The following PDK3 variants were observed in gnomAD, a reference collection of about 807,000 sequenced individuals.
PDK3 encodes the protein pyruvate dehydrogenase kinase 3, also known as pyruvate dehydrogenase kinase, isozyme 3.
PDK3 carries 12 observed loss-of-function variants against 32.0 expected under a neutral mutation model. The ratio of observed to expected loss-of-function variants is 0.37; its 90% CI spans 0.24 to 0.61. PDK3 has a LOEUF of 0.61. Among genes scored for constraint, PDK3 ranks in the 20% least tolerant of loss-of-function variants. The pLI, the probability that PDK3 is intolerant of heterozygous loss-of-function variation, is 0.65. For synonymous variants in PDK3, 122 were observed against 116.3 expected, an observed-to-expected ratio of 1.05 and a Z score of -0.31; for missense variants, 188 against 316.9, an observed-to-expected ratio of 0.59 and a Z score of 3.09.
chrX:24,483,264 CATTAGCT>C (rs1921306273), intron 1 of PDK3, among the ~76,000 whole-genome samples: 1 of 112,008 alleles, frequency 8.9e-6, no homozygotes, highest in Admixed American at 9.5e-5. Context: ...ACAGTGTGAC[CATTAGCT>C]ATTCCTGCTT....
At chrX:24,535,913 A>G (rs1469151602), downstream of PDK3, among the ~76,000 whole-genome samples, 16 of 106,053 alleles carry the variant, frequency 1.5e-4, no homozygotes, top group Non-Finnish European at 1.9e-4. Flanking sequence ...AAAAAAAAAA[A>G]AAAGAAAGAA....
At chrX:24,531,561 A>G (rs1444771985) in intron 9 of PDK3, 96 bp from the exon 10 acceptor site, 1 of 500,492 alleles carries the variant, frequency 2.0e-6, no homozygotes, top group Admixed American at 3.1e-5. Flanking sequence ...TTAAATCTGA[A>G]TCAAGAATTT....
chrX:24,470,998 A>G (rs973816873), intron 1 of PDK3, among the ~76,000 whole-genome samples: 5 of 110,715 alleles, frequency 4.5e-5, no homozygotes, highest in Non-Finnish European at 9.4e-5. Context: ...GTGGGAGTTG[A>G]ACAATGAGAA....
intron 1 of PDK3, among the ~76,000 whole-genome samples, chrX:24,481,557 A>G (rs1324639469): frequency 9.0e-6 from 1 of 111,626 alleles, no homozygotes; most frequent in Non-Finnish European, 1.9e-5. Context: ...TTGAGTTATG[A>G]TTTTCAGTGT....
chrX:24,514,238 C>T (rs1411798572), intron 5 of PDK3, among the ~76,000 whole-genome samples: 3 of 112,221 alleles, frequency 2.7e-5, no homozygotes, highest in Non-Finnish European at 3.8e-5. Context: ...TGTGAACCTT[C>T]ACCCTGTTCT....
intron 6 of PDK3, among the ~76,000 whole-genome samples, chrX:24,524,572 G>C (rs1922477764): frequency 8.9e-6 from 1 of 111,900 alleles, no homozygotes; most frequent in Non-Finnish European, 1.9e-5. Context: ...AAAATGTCTA[G>C]GTACACTGTT....
chrX:24,489,111 T>TA (rs960634971), intron 1 of PDK3, among the ~76,000 whole-genome samples: 5 of 110,411 alleles, frequency 4.5e-5, no homozygotes, highest in African/African-American at 6.6e-5. Flanking sequence ...GTTTATTATT[T>TA]AAAAAAAAAT....
intron 8 of PDK3, 99 bp downstream of exon 8, chrX:24,527,774 G>A (rs537824049): frequency 1.1e-4 from 60 of 536,880 alleles, no homozygotes; most frequent in East Asian, 2.2e-4. Context: ...CATTTATTGA[G>A]TGTCCTGTTT....
chrX:24,520,329 A>G (rs1922366002), intron 6 of PDK3, among the ~76,000 whole-genome samples: 1 of 112,402 alleles, frequency 8.9e-6, no homozygotes, highest in East Asian at 2.8e-4. Flanking sequence ...GAATTGTGGT[A>G]CACCCATTAG....
intron 1 of PDK3, among the ~76,000 whole-genome samples, chrX:24,471,784 C>T (rs777181435): frequency 8.9e-6 from 1 of 111,980 alleles, no homozygotes; most frequent in Admixed American, 9.5e-5. Context: ...TGAGATATAC[C>T]CATTAGCATT....
intron 1 of PDK3, among the ~76,000 whole-genome samples, chrX:24,475,615 C>T (rs971833104): frequency 1.8e-5 from 2 of 109,460 alleles, no homozygotes; most frequent in East Asian, 2.9e-4. Context: ...GCTGGGATCG[C>T]GTCACTGCAC....
downstream of PDK3, among the ~76,000 whole-genome samples, chrX:24,534,923 A>G (rs1354733610): frequency 3.6e-5 from 4 of 112,421 alleles, no homozygotes; most frequent in African/African-American, 1.3e-4. Context: ...GCACCACTGC[A>G]CACCAGCCTG....
exon 12 of PDK3, among the ~76,000 whole-genome samples, chrX:24,544,782 T>C (rs1922963129): frequency 8.9e-6 from 1 of 112,138 alleles, no homozygotes; most frequent in African/African-American, 3.2e-5. Flanking sequence ...GATGTGTGGG[T>C]CAGAGGGCAG....
intron 1 of PDK3, among the ~76,000 whole-genome samples, chrX:24,472,797 C>T (rs1392955751): frequency 9.7e-6 from 1 of 102,576 alleles, no homozygotes; most frequent in Non-Finnish European, 2.0e-5. Context: ...AAGTGATTCT[C>T]CTGCCTCAGC....
Position 24,528,088 on chromosome X carries a change from G to A in PDK3, c.865G>A (p.Gly289Ser). The A allele has an allele frequency of 8.6e-7, 1 of 1,160,480 alleles. No homozygotes were observed. Among genetic ancestry groups the A allele is most frequent in the Non-Finnish European group, 1.2e-6 (1 of 848,751 alleles). ...EDLSIKISDL[G>S]GGVPLRKIDR... ...TTGAACATTGCAGATCAGTGACCTA[G>A]GTGGTGGTGTCCCACTTCGAAAAAT... Residue 289 changes from glycine to serine, a missense_variant, in exon 9 of 11, where the codon GGT becomes AGT. Coordinates refer to ENST00000379162, the MANE Select transcript of PDK3 (RefSeq NM_005391.5).
chrX:24,475,260 A>T (rs1178724733), intron 1 of PDK3, among the ~76,000 whole-genome samples: 1 of 109,018 alleles, frequency 9.2e-6, no homozygotes, highest in East Asian at 2.9e-4. Context: ...ACCTGTTTGG[A>T]GAAAGGGATC....
intron 10 of PDK3, among the ~76,000 whole-genome samples, chrX:24,532,337 A>G (rs868213394): frequency 8.9e-6 from 1 of 112,343 alleles, no homozygotes; most frequent in Non-Finnish European, 1.9e-5. Context: ...AAAAAACTAC[A>G]TGCCTATTGA....
chrX:24,496,819 T>C (rs1315221536), intron 2 of PDK3, among the ~76,000 whole-genome samples: 1 of 92,368 alleles, frequency 1.1e-5, no homozygotes, highest in Non-Finnish European at 2.2e-5. Flanking sequence ...TCTCTCTCTG[T>C]TGCCGAGGCT....
intron 5 of PDK3, among the ~76,000 whole-genome samples, chrX:24,513,124 C>A (rs1219904357): frequency 3.6e-5 from 4 of 110,260 alleles, no homozygotes; most frequent in African/African-American, 1.3e-4. Context: ...TTTTTTCTTT[C>A]CCCCTACGAT....
Sources: allele counts gnomAD v4.1 joint callset (sites outside exome capture counted in the v4.1 genomes callset), GRCh38; gene constraint gnomAD v4.1.1; transcripts MANE v1.5; gene names NCBI Gene and HGNC (gene_info 2026-07-23, HGNC 2026-07-21).